Variants in MYO10 observed in about 807,000 individuals in gnomAD.
MYO10 encodes myosin X, also known as unconventional myosin-X.
MYO10 carries 133 observed loss-of-function variants against 257.3 expected under a neutral mutation model. That is an observed-to-expected ratio of 0.52 (90% CI 0.45 to 0.60). The LOEUF (loss-of-function observed/expected upper bound fraction) is 0.60, where lower values mean the gene tolerates loss of function less well. Among genes scored for constraint, MYO10 ranks in the 20% least tolerant of loss-of-function variants. MYO10 has a pLI of 0.00. For missense variants in MYO10, 2,399 were observed against 2,635.7 expected, an observed-to-expected ratio of 0.91 and a Z score of 1.97; for synonymous variants, 1,104 against 1,028.6, an observed-to-expected ratio of 1.07 and a Z score of -1.40.
chr5:16,760,430 C>CAGTCTG (rs1166771230), intron 17 of MYO10, among the ~76,000 whole-genome samples: 1 of 148,294 alleles, frequency 6.7e-6, no homozygotes, highest in Non-Finnish European at 1.5e-5. Flanking sequence ...CACTGCACTC[C>CAGTCTG]AGTCTGGGTG....
intron 1 of MYO10, among the ~76,000 whole-genome samples, chr5:16,923,937 A>G (rs1258959925): frequency 6.6e-6 from 1 of 152,116 alleles, no homozygotes; most frequent in Non-Finnish European, 1.5e-5. Context: ...AAAAAATGTA[A>G]AAATTAGCCA....
At chr5:16,702,502 A>G in intron 24 of MYO10, 41 bp downstream of exon 24, 2 of 1,556,800 alleles carry the variant, frequency 1.3e-6, no homozygotes, top group Non-Finnish European at 1.7e-6. Flanking sequence ...GTGGGAAGGA[A>G]GTAGAAACAC....
chr5:16,702,411 T>A, intron 24 of MYO10, 132 bp downstream of exon 24: 1 of 890,508 alleles, frequency 1.1e-6, no homozygotes, highest in South Asian at 1.7e-5. Flanking sequence ...AATTGGATCA[T>A]AAACACATCC....
chr5:16,689,799 C>T (rs377195014), intron 28 of MYO10, 25 bp downstream of exon 28: 2 of 1,568,620 alleles, frequency 1.3e-6, no homozygotes, highest in Non-Finnish European at 1.8e-6. Flanking sequence ...ATGTGGGTAA[C>T]ACAAAGTCAA....
At chr5:16,862,747 C>CA (rs1561024413) in intron 2 of MYO10, among the ~76,000 whole-genome samples, 1 of 152,148 alleles carries the variant, frequency 6.6e-6, no homozygotes, top group African/African-American at 2.4e-5. Context: ...AAATACAAGA[C>CA]AGTAGCCCAC....
At chr5:16,864,714 G>A (rs1476127514) in intron 2 of MYO10, among the ~76,000 whole-genome samples, 4 of 152,146 alleles carry the variant, frequency 2.6e-5, no homozygotes, top group African/African-American at 7.2e-5. Context: ...ACAAGCAGAC[G>A]AGTTTTTTTT....
At chr5:16,823,468 ATT>A (rs1173952251) in intron 2 of MYO10, among the ~76,000 whole-genome samples, 20 of 6,436 alleles carry the variant, frequency 3.1e-3, no homozygotes, top group African/African-American at 6.1e-3. Context: ...GGGAGTGGGG[ATT>A]TTTTTTTTTT....
intron 2 of MYO10, among the ~76,000 whole-genome samples, chr5:16,844,954 GCACACA>G (rs70943809): frequency 1.1e-4 from 16 of 142,404 alleles, no homozygotes; most frequent in South Asian, 2.2e-4. Context: ...ACACACACAC[GCACACA>G]CACACACACA....
At chr5:16,795,092 C>CCCTGCTCCCCAGGT (rs1411148703) in intron 3 of MYO10, among the ~76,000 whole-genome samples, 1 of 151,228 alleles carries the variant, frequency 6.6e-6, no homozygotes, top group Non-Finnish European at 1.5e-5. Flanking sequence ...GCTCCCCAGG[C>CCCTGCTCCCCAGGT]CCAGATCCCT....
intron 19 of MYO10, among the ~76,000 whole-genome samples, chr5:16,747,266 C>T (rs1157033264): frequency 2.5e-4 from 38 of 152,074 alleles, no homozygotes; most frequent in Admixed American, 2.2e-3. Flanking sequence ...TGGCGATGCC[C>T]GGGTATCCTC....
chr5:16,680,634 CAAAAT>C (rs1736950701), intron 32 of MYO10, among the ~76,000 whole-genome samples: 1 of 152,114 alleles, frequency 6.6e-6, no homozygotes, highest in African/African-American at 2.4e-5. Context: ...CAACAAAAAT[CAAAAT>C]AAGCCATCTT....
intron 3 of MYO10, among the ~76,000 whole-genome samples, chr5:16,805,458 CAAAAAAAAAAAAAAAAA>C (rs36126574): frequency 3.8e-5 from 3 of 78,346 alleles, no homozygotes; most frequent in Non-Finnish European, 7.1e-5. Context: ...GACTCCATCT[CAAAAAAAAAAAAAAAAA>C]AAAAAGAAAA....
chr5:16,761,647 A>C, intron 16 of MYO10, 101 bp from the exon 17 acceptor site: 1 of 888,568 alleles, frequency 1.1e-6, no homozygotes, highest in Non-Finnish European at 1.8e-6. Context: ...CATTCCAAGA[A>C]ATTTATTTAT....
rs527260647 is a variant in MYO10, at chr5:16,813,382, T to G, written c.279+4627A>C. ...AAAAAAATTAAAAAAACTTAAAAAT[T>G]AACCAAGTGCAGTGGCTCACACCTA... On this transcript the variant is annotated intron_variant, in intron 3 of 40. Transcript: ENST00000513610. 3.3e-5 allele frequency among the ~76,000 whole-genome samples: 5 copies of G among 151,906 alleles called. No individual in the cohort carries two copies. In the East Asian group the frequency reaches 9.7e-4, roughly 29 times the overall value.
At chr5:16,670,067 CA>C (rs1379560668) in intron 39 of MYO10, among the ~76,000 whole-genome samples, 1 of 147,918 alleles carries the variant, frequency 6.8e-6, no homozygotes, top group African/African-American at 2.7e-5. Context: ...CTACTTAAAA[CA>C]AAACAAAAAT....
chr5:16,843,988 A>G (rs2126729319), intron 2 of MYO10, among the ~76,000 whole-genome samples: 1 of 152,336 alleles, frequency 6.6e-6, no homozygotes, highest in South Asian at 2.1e-4. Context: ...CCCAACAAGC[A>G]CAAAGATTGA....
At chr5:16,780,827 T>A in intron 6 of MYO10, 86 bp from the exon 7 acceptor site, 1 of 1,329,756 alleles carries the variant, frequency 7.5e-7, no homozygotes, top group Non-Finnish European at 1.0e-6. Flanking sequence ...TATTCTTTGG[T>A]GCTCAAATAA....
intron 1 of MYO10, among the ~76,000 whole-genome samples, chr5:16,929,977 C>T (rs1746251616): frequency 6.6e-6 from 1 of 152,120 alleles, no homozygotes; most frequent in Non-Finnish European, 1.5e-5. Context: ...ATAAAATAAT[C>T]TGAAAATAAC....
chr5:16,844,554 GT>G (rs1413445444), intron 2 of MYO10, among the ~76,000 whole-genome samples: 1 of 152,124 alleles, frequency 6.6e-6, no homozygotes, highest in Non-Finnish European at 1.5e-5. Flanking sequence ...GAACTGAATG[GT>G]TGCTTTTTGA....
Sources: allele counts gnomAD v4.1 joint callset (sites outside exome capture counted in the v4.1 genomes callset), GRCh38; gene constraint gnomAD v4.1.1; transcripts MANE v1.5; gene names NCBI Gene and HGNC (gene_info 2026-07-23, HGNC 2026-07-21).